Variants in TMEM244 observed in about 807,000 individuals in gnomAD.
The protein encoded by TMEM244 is putative transmembrane protein 244.
Under a neutral mutation model 15.8 loss-of-function variants are expected in TMEM244, and 13 were observed. The observed-to-expected ratio is 0.82, with a 90% CI of 0.53 to 1.30. The LOEUF (loss-of-function observed/expected upper bound fraction) is 1.30. TMEM244 is among the 50% of genes most tolerant of loss of function. The pLI is 0.00. For synonymous variants in TMEM244, 45 were observed against 48.7 expected, an observed-to-expected ratio of 0.92 and a Z score of 0.32; for missense variants, 161 against 144.9, an observed-to-expected ratio of 1.11 and a Z score of -0.57.
At chr6:129,840,041 G>A (rs1396816893) in intron 3 of TMEM244, among the ~76,000 whole-genome samples, 9 of 152,096 alleles carry the variant, frequency 5.9e-5, no homozygotes, top group Admixed American at 1.3e-4. Context: ...TCCCCATCAA[G>A]CTACCAATGA....
At chr6:129,856,716 G>T (rs1298536400) in intron 1 of TMEM244, among the ~76,000 whole-genome samples, 3 of 151,470 alleles carry the variant, frequency 2.0e-5, no homozygotes, top group South Asian at 4.2e-4. Context: ...TTTCTTTAAG[G>T]TTCTCATAGC....
intron 1 of TMEM244, among the ~76,000 whole-genome samples, chr6:129,860,104 CGTGTGTGTGT>C (rs757397083): frequency 0.013 from 1,785 of 140,652 alleles, 9 homozygotes; most frequent in African/African-American, 0.018. Flanking sequence ...CTCTGCAATG[CGTGTGTGTGT>C]GTGTGTGTGT....
At chr6:129,837,595 G>A (rs9375668) in intron 3 of TMEM244, among the ~76,000 whole-genome samples, 1 of 151,970 alleles carries the variant, frequency 6.6e-6, no homozygotes, top group Non-Finnish European at 1.5e-5. Flanking sequence ...AAATGTAAAT[G>A]GGCTAAATGC....
chr6:129,860,586 G>A (rs1472991516), intron 1 of TMEM244, among the ~76,000 whole-genome samples: 2 of 152,020 alleles, frequency 1.3e-5, no homozygotes, highest in Non-Finnish European at 2.9e-5. Flanking sequence ...TAGGCCTAAA[G>A]CCTGTATGAA....
intron 1 of TMEM244, among the ~76,000 whole-genome samples, chr6:129,847,133 G>A (rs1382988460): frequency 6.6e-6 from 1 of 152,028 alleles, no homozygotes; most frequent in Non-Finnish European, 1.5e-5. Context: ...ATAGAAAAAT[G>A]GACAAAGTAT....
At chr6:129,854,647 G>A (rs1004320779) in intron 1 of TMEM244, among the ~76,000 whole-genome samples, 1 of 152,148 alleles carries the variant, frequency 6.6e-6, no homozygotes, top group African/African-American at 2.4e-5. Flanking sequence ...CACAAAGCTA[G>A]TCACTGAAAG....
chr6:129,844,366 G>A (rs555108001), intron 2 of TMEM244, among the ~76,000 whole-genome samples: 6 of 152,274 alleles, frequency 3.9e-5, no homozygotes, highest in African/African-American at 1.4e-4. Flanking sequence ...TGGAGACAGC[G>A]CAGGCTTGAA....
chr6:129,856,803 A>T (rs912758597), intron 1 of TMEM244, among the ~76,000 whole-genome samples: 4 of 151,976 alleles, frequency 2.6e-5, no homozygotes, highest in African/African-American at 4.8e-5. Context: ...TTTTATTGAG[A>T]TTATGCCAAA....
intron 3 of TMEM244, among the ~76,000 whole-genome samples, chr6:129,841,422 G>T (rs1011977903): frequency 1.3e-5 from 2 of 148,380 alleles, no homozygotes; most frequent in African/African-American, 5.0e-5. Context: ...GTCCGGTCGG[G>T]GGGTGGGGGG....
intron 3 of TMEM244, among the ~76,000 whole-genome samples, chr6:129,834,243 C>CT (rs1469957359): frequency 6.6e-6 from 1 of 152,156 alleles, no homozygotes; most frequent in East Asian, 1.9e-4. Context: ...CCACAAATCT[C>CT]TAAGAGCCCT....
Position 129,861,299 on chromosome 6 carries a change from G to C in TMEM244, c.-111C>G. 4 of 1,270,170 alleles carry C rather than the reference G, an allele frequency of 3.1e-6. No individual in the cohort carries two copies. Among genetic ancestry groups the C allele is most frequent in the South Asian group, 1.3e-5 (1 of 79,072 alleles). 78.7% of individuals were successfully genotyped at this position (1,270,170 alleles called of 1,614,324 possible). On this transcript the variant is annotated 5_prime_UTR_variant, in exon 1 of 5. Transcript: ENST00000368143. ...CTTTTCAATTACTCCTGGAGACTAA[G>C]TGTGAGACGCAGTAGTGCAGGATGA...
intron 1 of TMEM244, among the ~76,000 whole-genome samples, chr6:129,860,145 G>GTGTGTGTGTC (rs1407993279): frequency 1.6e-4 from 21 of 129,182 alleles, no homozygotes; most frequent in Admixed American, 3.0e-4. Context: ...GTGTGTGTGT[G>GTGTGTGTGTC]TGTCTGTCTG....
chr6:129,839,044 A>G (rs1179726351), intron 3 of TMEM244, among the ~76,000 whole-genome samples: 1 of 152,198 alleles, frequency 6.6e-6, no homozygotes, highest in Non-Finnish European at 1.5e-5. Context: ...ATTCCAATCA[A>G]TAGAAAAGAG....
chr6:129,849,680 T>A (rs1362799666), intron 1 of TMEM244, among the ~76,000 whole-genome samples: 1 of 152,160 alleles, frequency 6.6e-6, no homozygotes, highest in Non-Finnish European at 1.5e-5. Flanking sequence ...GCTCCAGGAA[T>A]TTGTGTTCAT....
At chr6:129,851,946 A>G (rs1156275978) in intron 1 of TMEM244, among the ~76,000 whole-genome samples, 1 of 152,192 alleles carries the variant, frequency 6.6e-6, no homozygotes, top group Non-Finnish European at 1.5e-5. Flanking sequence ...ACTTGACTGG[A>G]TATTTAATAA....
intron 2 of TMEM244, 72 bp from the exon 3 acceptor site, chr6:129,843,675 C>T (rs900305019): frequency 1.1e-4 from 117 of 1,098,790 alleles, no homozygotes; most frequent in African/African-American, 3.1e-5. Flanking sequence ...AAGTGACACA[C>T]GTTACTATTT....
intron 1 of TMEM244, among the ~76,000 whole-genome samples, chr6:129,848,231 G>A (rs931306415): frequency 1.3e-5 from 2 of 152,064 alleles, no homozygotes; most frequent in African/African-American, 4.8e-5. Context: ...TTTTTAAAAA[G>A]GAATAAAAGG....
At position 129,846,610 on chromosome 6, in the gene TMEM244, T is replaced by C. The variant is rs1237292198; in HGVS notation, c.34-758A>G. 4.6e-5 allele frequency among the ~76,000 whole-genome samples: 7 copies of C among 152,200 alleles called. No individual in the cohort carries two copies. The East Asian group carries it at 1.3e-3, about 29-fold the overall frequency. On this transcript the variant is annotated intron_variant, in intron 1 of 4. Transcript: ENST00000368143. ...CAAACTTCCTAAATGCCAATATTTG[T>C]ATTTTAACTTGACAAAATGATTCTA...
intron 3 of TMEM244, 146 bp from the exon 4 acceptor site, chr6:129,833,731 A>G (rs1360382378): frequency 1.4e-5 from 11 of 769,614 alleles, no homozygotes; most frequent in Non-Finnish European, 2.0e-5. Flanking sequence ...ACAATCCTCA[A>G]ATTTGGATAA....
Sources: gnomAD v4.1 joint callset for allele counts (sites outside exome capture counted in the v4.1 genomes callset) on GRCh38, gnomAD v4.1.1 for gene constraint, MANE v1.5 for transcripts, NCBI Gene and HGNC (gene_info 2026-07-23, HGNC 2026-07-21) for gene names.